ADCY5: variants seen among roughly 807,000 people sequenced by gnomAD.
ADCY5 encodes the protein adenylate cyclase 5.
ADCY5 carries 30 observed loss-of-function variants against 119.7 expected under a neutral mutation model. The ratio of observed to expected loss-of-function variants is 0.25; its 90% CI spans 0.19 to 0.34. ADCY5 has a LOEUF of 0.34. Ranked by LOEUF, ADCY5 falls within the 10% of genes least tolerant of loss-of-function variation. ADCY5 has a pLI of 1.00. For missense variants in ADCY5, 1,324 were observed against 1,775.2 expected, an observed-to-expected ratio of 0.75 and a Z score of 4.57; for synonymous variants, 753 against 762.2, an observed-to-expected ratio of 0.99 and a Z score of 0.20.
intron 5 of ADCY5, 90 bp downstream of exon 5, chr3:123,330,799 C>A: frequency 6.8e-7 from 1 of 1,467,496 alleles, no homozygotes; most frequent in South Asian, 1.4e-5. Flanking sequence ...TGTTTCCCTG[C>A]CTCCAACTAG....
intron 1 of ADCY5, among the ~76,000 whole-genome samples, chr3:123,393,501 A>G (rs998513928): frequency 3.9e-5 from 6 of 152,032 alleles, no homozygotes; most frequent in Non-Finnish European, 7.3e-5. Flanking sequence ...AGGCCACAGT[A>G]AGCTATGACT....
chr3:123,365,237 G>A (rs974719794), intron 1 of ADCY5, among the ~76,000 whole-genome samples: 1 of 152,216 alleles, frequency 6.6e-6, no homozygotes, highest in Non-Finnish European at 1.5e-5. Context: ...GATTACAGGC[G>A]TAAGCCACCG....
chr3:123,341,554 G>T (rs546607917), intron 3 of ADCY5, among the ~76,000 whole-genome samples: 4 of 152,152 alleles, frequency 2.6e-5, no homozygotes, highest in Admixed American at 2.6e-4. Flanking sequence ...AGAGATGGAC[G>T]GTGGTGATGG....
At chr3:123,332,221 C>T (rs377580577) in intron 4 of ADCY5, among the ~76,000 whole-genome samples, 1 of 152,212 alleles carries the variant, frequency 6.6e-6, no homozygotes, top group Non-Finnish European at 1.5e-5. Context: ...CCCTAATATG[C>T]CCCAGACAAA....
At chr3:123,367,917 G>A (rs1196159902) in intron 1 of ADCY5, 2 of 1,535,706 alleles carry the variant, frequency 1.3e-6, no homozygotes, top group African/African-American at 2.7e-5. Flanking sequence ...CCAACTGAGT[G>A]CGGAACCTAG....
chr3:123,446,793 G>T (rs577176028), intron 1 of ADCY5, among the ~76,000 whole-genome samples: 1 of 152,316 alleles, frequency 6.6e-6, no homozygotes, highest in East Asian at 1.9e-4. Context: ...CATCTCGGAG[G>T]CTCCTTCCCA....
chr3:123,435,124 A>T (rs1945584029), intron 1 of ADCY5, among the ~76,000 whole-genome samples: 1 of 152,136 alleles, frequency 6.6e-6, no homozygotes, highest in African/African-American at 2.4e-5. Flanking sequence ...ATCTCCACAA[A>T]AAACACAAAA....
At chr3:123,445,115 G>A (rs1193101551) in intron 1 of ADCY5, among the ~76,000 whole-genome samples, 3 of 152,230 alleles carry the variant, frequency 2.0e-5, no homozygotes, top group East Asian at 3.8e-4. Context: ...CTCATAACAA[G>A]CTCTGCACCA....
chr3:123,347,591 C>T (rs1031945184), intron 3 of ADCY5, among the ~76,000 whole-genome samples, 191 bp downstream of exon 3: 2 of 152,156 alleles, frequency 1.3e-5, no homozygotes, highest in African/African-American at 4.8e-5. Flanking sequence ...CCCAAAAAAG[C>T]TCCATGGGAC....
chr3:123,374,714 G>A (rs774635091), intron 1 of ADCY5, among the ~76,000 whole-genome samples: 12 of 152,130 alleles, frequency 7.9e-5, no homozygotes, highest in Non-Finnish European at 1.0e-4. Flanking sequence ...GCATCTGTCT[G>A]GAGGCTGGGT....
chr3:123,448,131 A>G lies in ADCY5; in HGVS notation c.415T>C (p.Ser139Pro). The G allele has an allele frequency of 1.9e-6, 2 of 1,032,982 alleles. No homozygotes were observed. The highest frequency in any genetic ancestry group is 2.3e-6 in the Non-Finnish European group (2 of 866,762). 64.0% of individuals were successfully genotyped at this position (1,032,982 alleles called of 1,614,324 possible). Residue 139 changes from serine to proline, a missense_variant, in exon 1 of 21, where the codon TCG (serine) becomes CCG (proline). Ser to Pro is a moderately conservative substitution (Grantham distance 74, BLOSUM62 -1). Around this residue, in one of 6 missense-constraint regions of ADCY5, gnomAD observed 585 missense variants for 569.9 expected, o/e 1.03. Transcript: ENST00000462833. ...CCCGCCGAGGCAGCCGCCGCCGCCG[A>G]GCCGCCGCCGCCGCCCGCAGGGGGC... ...RAPPAGGGGG[S>P]AAAAASAGGT...
chr3:123,361,465 T>C (rs1943244355), intron 1 of ADCY5, among the ~76,000 whole-genome samples: 1 of 152,094 alleles, frequency 6.6e-6, no homozygotes, highest in Non-Finnish European at 1.5e-5. Context: ...CCCATGCCCA[T>C]TAGTCACTGC....
intron 1 of ADCY5, among the ~76,000 whole-genome samples, chr3:123,381,109 C>T (rs1385846210): frequency 6.6e-6 from 1 of 152,232 alleles, no homozygotes; most frequent in Non-Finnish European, 1.5e-5. Flanking sequence ...GTGCCAAGTG[C>T]TAGCACACTT....
rs115210052 is a variant in ADCY5 at position 123,349,183 on chromosome 3, C to T, written c.1285-1280G>A. Among the ~76,000 whole-genome samples the T allele has an allele frequency of 4.8e-3, 738 of 152,360 alleles. 3 individuals carry two copies. The highest frequency in any genetic ancestry group is 0.017 in the African/African-American group (715 of 41,588). On this transcript the variant is annotated intron_variant, in intron 2 of 20. Coordinates refer to ENST00000462833, the MANE Select transcript of ADCY5 (RefSeq NM_183357.3). ...TCACACCCAAACCACACTCGCTTTC[C>T]CACATTGTCATTCCCCAATCACTTT...
At chr3:123,443,331 G>A (rs548409805) in intron 1 of ADCY5, among the ~76,000 whole-genome samples, 3 of 152,238 alleles carry the variant, frequency 2.0e-5, no homozygotes, top group East Asian at 1.9e-4. Flanking sequence ...AAAAGCAAAC[G>A]GCCAGGGGAA....
In ADCY5 at chr3:123,447,788, C is replaced by A; in HGVS notation, c.758G>T (p.Cys253Phe). 2 of 1,611,182 alleles carry A rather than the reference C, an allele frequency of 1.2e-6. No individual in the cohort carries two copies. The highest frequency in any genetic ancestry group is 1.7e-6 in the Non-Finnish European group (2 of 1,178,544). ...TMLMAVLVLV[C>F]LVMLAFHAAR... ...CGCGTGGAAGGCCAACATGACCAGG[C>A]ACACGAGCACCAGCACGGCCATGAG... Residue 253 changes from cysteine to phenylalanine, a missense_variant, in exon 1 of 21, where the codon TGC becomes TTC. Around this residue, in one of 6 missense-constraint regions of ADCY5, gnomAD observed 585 missense variants for 569.9 expected, o/e 1.03. Coordinates refer to ENST00000462833, the MANE Select transcript of ADCY5 (RefSeq NM_183357.3).
chr3:123,349,703 C>G (rs1942743556), intron 2 of ADCY5, among the ~76,000 whole-genome samples: 1 of 152,134 alleles, frequency 6.6e-6, no homozygotes, highest in Non-Finnish European at 1.5e-5. Flanking sequence ...CCTGCCACCC[C>G]CAGACTGGCT....
intron 1 of ADCY5, among the ~76,000 whole-genome samples, chr3:123,368,391 T>C (rs1250529670): frequency 1.3e-5 from 2 of 152,064 alleles, no homozygotes; most frequent in African/African-American, 4.8e-5. Context: ...AGGTCAGGAG[T>C]TTGAGACCAG....
intron 3 of ADCY5, among the ~76,000 whole-genome samples, chr3:123,342,196 C>G (rs1180793075): frequency 2.0e-5 from 3 of 152,130 alleles, no homozygotes; most frequent in African/African-American, 7.2e-5. Context: ...GGAAGGTAAA[C>G]ATTTTCCACC....
Sources: allele counts gnomAD v4.1 joint callset (sites outside exome capture counted in the v4.1 genomes callset), GRCh38; gene constraint gnomAD v4.1.1; regional missense constraint gnomAD v4.1.1; transcripts MANE v1.5; gene names NCBI Gene and HGNC (gene_info 2026-07-23, HGNC 2026-07-21).